Variants in BICD1 observed in about 807,000 individuals in gnomAD.
BICD1 encodes the protein BICD cargo adaptor 1.
Under a neutral mutation model 92.5 loss-of-function variants are expected in BICD1, and 35 were observed. That is an observed-to-expected ratio of 0.38 (90% CI 0.29 to 0.50). The LOEUF (loss-of-function observed/expected upper bound fraction) is 0.50, where lower values mean the gene tolerates loss of function less well. BICD1 is among the 20% of genes least tolerant of loss of function. The pLI is 0.93. For synonymous variants in BICD1, 429 were observed against 465.1 expected (o/e 0.92, Z 1.00); for missense variants, 950 against 1,189.8 (o/e 0.80, Z 2.97).
chr12:32,256,160 C>G (rs1213949358), intron 2 of BICD1, among the ~76,000 whole-genome samples: 1 of 152,098 alleles, frequency 6.6e-6, no homozygotes, highest in Admixed American at 6.6e-5. Flanking sequence ...TCAAGCAATC[C>G]TCCTGTCTCA....
chr12:32,138,946 A>G (rs1397455485), intron 1 of BICD1, among the ~76,000 whole-genome samples: 2 of 152,214 alleles, frequency 1.3e-5, no homozygotes, highest in Admixed American at 6.5e-5. Flanking sequence ...ACATTCTTAC[A>G]TAAGATTGAA....
At chr12:32,283,110 G>A (rs1165402737) in intron 2 of BICD1, among the ~76,000 whole-genome samples, 1 of 151,116 alleles carries the variant, frequency 6.6e-6, no homozygotes, top group Admixed American at 6.6e-5. Flanking sequence ...GAAATATGAG[G>A]CAAGGTTTTC....
intron 8 of BICD1, among the ~76,000 whole-genome samples, chr12:32,365,692 C>G (rs1939503380): frequency 6.6e-6 from 1 of 152,150 alleles, no homozygotes; most frequent in South Asian, 2.1e-4. Context: ...GTCTGGTGGC[C>G]TTATCAAAAT....
chr12:32,318,030 A>G (rs1324063628), intron 4 of BICD1, among the ~76,000 whole-genome samples: 12 of 149,696 alleles, frequency 8.0e-5, no homozygotes, highest in African/African-American at 2.0e-4. Context: ...GTAGATATGC[A>G]GCATTATTTC....
chr12:32,219,797 A>G (rs1243109099), intron 2 of BICD1, among the ~76,000 whole-genome samples: 2 of 152,158 alleles, frequency 1.3e-5, no homozygotes, highest in Non-Finnish European at 1.5e-5. Flanking sequence ...GCCTTATTGT[A>G]TATATGTTTT....
intron 2 of BICD1, among the ~76,000 whole-genome samples, chr12:32,233,106 G>T (rs1565605769): frequency 1.3e-5 from 2 of 152,074 alleles, no homozygotes; most frequent in African/African-American, 2.4e-5. Context: ...CATATCACTT[G>T]AGGTCAAGAA....
At chr12:32,317,451 C>T (rs372068939) in intron 4 of BICD1, among the ~76,000 whole-genome samples, 4 of 152,120 alleles carry the variant, frequency 2.6e-5, no homozygotes, top group Non-Finnish European at 4.4e-5. Context: ...ATTTCTCTGA[C>T]GGCCAGTGAT....
At chr12:32,366,859 C>G (rs1939543483) in intron 8 of BICD1, among the ~76,000 whole-genome samples, 1 of 152,154 alleles carries the variant, frequency 6.6e-6, no homozygotes, top group Non-Finnish European at 1.5e-5. Flanking sequence ...TCACCTAGTA[C>G]CAGTAAACAG....
At chr12:32,285,445 A>G (rs1947536728) in intron 2 of BICD1, among the ~76,000 whole-genome samples, 1 of 152,202 alleles carries the variant, frequency 6.6e-6, no homozygotes, top group Admixed American at 6.5e-5. Flanking sequence ...TAATTAATTT[A>G]TAAAAGACTA....
At chr12:32,216,591 C>T in intron 2 of BICD1, 132 bp downstream of exon 2, 1 of 862,502 alleles carries the variant, frequency 1.2e-6, no homozygotes. Context: ...TAATACTGAG[C>T]TAGCAACTTT....
chr12:32,355,162 T>C (rs1384810228), intron 8 of BICD1, among the ~76,000 whole-genome samples: 2 of 152,238 alleles, frequency 1.3e-5, no homozygotes, highest in Non-Finnish European at 2.9e-5. Context: ...AGAAGAATAA[T>C]TGATCATCTG....
intron 4 of BICD1, among the ~76,000 whole-genome samples, chr12:32,315,782 T>C (rs1249346285): frequency 6.6e-6 from 1 of 152,194 alleles, no homozygotes; most frequent in Non-Finnish European, 1.5e-5. Context: ...GTTCTGTTTT[T>C]CATTTTCAGT....
chr12:32,162,470 T>G (rs1402013770), intron 1 of BICD1, among the ~76,000 whole-genome samples: 1 of 152,200 alleles, frequency 6.6e-6, no homozygotes, highest in Non-Finnish European at 1.5e-5. Flanking sequence ...AGTCAAATCC[T>G]CTTCCACCTC....
intron 8 of BICD1, among the ~76,000 whole-genome samples, chr12:32,348,359 C>A (rs1385394363): frequency 6.6e-6 from 1 of 151,902 alleles, no homozygotes; most frequent in Non-Finnish European, 1.5e-5. Flanking sequence ...ATTTTAAAGT[C>A]TTTTAGATTT....
Position 32,142,427 on chromosome 12 carries a change from A to C in BICD1, c.213+34883A>C, listed in dbSNP as rs1194957374. On this transcript the variant is annotated intron_variant, in intron 1 of 9. Transcript: ENST00000652176. ...GTCTAAAAAAAAAAAAAAAAAAAAA[A>C]AAAACAAAAAACCCCACCTATCTAT... 7.8e-4 allele frequency among the ~76,000 whole-genome samples: 38 copies of C among 48,550 alleles called. 1 individual carries two copies. The highest frequency in any genetic ancestry group is 6.6e-3 in the Admixed American group (20 of 3,018). The allele number at this position is 48,550 out of a possible 152,430, so 31.9% of individuals were successfully genotyped here.
intron 8 of BICD1, 141 bp from the exon 9 acceptor site, chr12:32,367,526 GAAA>G (rs374745164): frequency 5.8e-6 from 3 of 517,622 alleles, no homozygotes; most frequent in African/African-American, 4.1e-5. Flanking sequence ...CATTCAAGAA[GAAA>G]AAAAAAAAGC....
At chr12:32,179,616 A>T (rs1275686857) in intron 1 of BICD1, among the ~76,000 whole-genome samples, 1 of 152,014 alleles carries the variant, frequency 6.6e-6, no homozygotes, top group Non-Finnish European at 1.5e-5. Flanking sequence ...TTGTGGGAAT[A>T]AGCAAAATAT....
chr12:32,225,770 AC>A (rs1338892224), intron 2 of BICD1, among the ~76,000 whole-genome samples: 1 of 150,740 alleles, frequency 6.6e-6, no homozygotes, highest in African/African-American at 2.4e-5. Flanking sequence ...ACAGGCACCT[AC>A]AACCACACCC....
intron 9 of BICD1, among the ~76,000 whole-genome samples, chr12:32,372,835 C>T (rs1341999777): frequency 2.0e-5 from 3 of 152,174 alleles, no homozygotes; most frequent in Non-Finnish European, 4.4e-5. Flanking sequence ...CGAGATTGTG[C>T]CACTGCGCTC....
Sources: gnomAD v4.1 joint callset for allele counts (sites outside exome capture counted in the v4.1 genomes callset) on GRCh38, gnomAD v4.1.1 for gene constraint, MANE v1.5 for transcripts, NCBI Gene and HGNC (gene_info 2026-07-23, HGNC 2026-07-21) for gene names.